RNF214: variants seen among roughly 807,000 people sequenced by gnomAD.
RNF214 encodes the protein ring finger protein 214.
A neutral mutation model predicts 75.9 loss-of-function variants in RNF214; 25 were observed. That is an observed-to-expected ratio of 0.33 (90% CI 0.24 to 0.46). The LOEUF is 0.46. Among genes scored for constraint, RNF214 ranks in the 20% least tolerant of loss-of-function variants. The probability of loss-of-function intolerance (pLI) is 1.00; values close to 1 mark genes in which losing one functional copy is unlikely to be tolerated. For missense variants in RNF214, 725 were observed against 857.5 expected (o/e 0.85, Z 1.93); for synonymous variants, 314 against 308.8 (o/e 1.02, Z -0.18).
chr11:117,282,927 C>T, intron 13 of RNF214, 77 bp downstream of exon 13: 1 of 1,172,196 alleles, frequency 8.5e-7, no homozygotes, highest in Non-Finnish European at 1.3e-6. Context: ...AGGTGGAGTG[C>T]AGGAAGAAAC....
At chr11:117,274,356 C>CTTT (rs11461326) in intron 6 of RNF214, among the ~76,000 whole-genome samples, 1,612 of 79,268 alleles carry the variant, frequency 0.02, 63 homozygotes, top group East Asian at 0.027. Flanking sequence ...CAAATGACTT[C>CTTT]TTTTTTTTTT....
chr11:117,243,349 T>C lies in RNF214; in HGVS notation c.679-1096T>C, dbSNP rs56027238. Among the ~76,000 whole-genome samples, 579 of 152,328 alleles carry C rather than the reference T, an allele frequency of 3.8e-3. 2 individuals carry two copies. The highest frequency in any genetic ancestry group is 0.017 in the Middle Eastern group (5 of 294). On this transcript the variant is annotated intron_variant, in intron 4 of 14. Transcript: ENST00000300650. ...TTAGTAGAGATGGGATTGCACTGTGTTGGCCAGGCTGGTCTCGAACTGCTG... is the reference window on the plus strand; with the variant it reads ...TTAGTAGAGATGGGATTGCACTGTGCTGGCCAGGCTGGTCTCGAACTGCTG...
chr11:117,257,473 A>G (rs186851448), intron 6 of RNF214, among the ~76,000 whole-genome samples: 10 of 152,370 alleles, frequency 6.6e-5, no homozygotes, highest in African/African-American at 2.2e-4. Context: ...CTTGTTCTCA[A>G]TTTTGAGGGT....
chr11:117,243,342 C>G (rs1408521953), intron 4 of RNF214, among the ~76,000 whole-genome samples: 1 of 152,102 alleles, frequency 6.6e-6, no homozygotes, highest in African/African-American at 2.4e-5. Context: ...GATGGGATTG[C>G]ACTGTGTTGG....
intron 6 of RNF214, among the ~76,000 whole-genome samples, chr11:117,279,317 T>C (rs1219546596): frequency 6.8e-6 from 1 of 146,286 alleles, no homozygotes; most frequent in South Asian, 2.2e-4. Context: ...CAAGTGGAGA[T>C]ACAAACTTTT....
intron 6 of RNF214, among the ~76,000 whole-genome samples, chr11:117,253,457 C>T (rs1334435889): frequency 6.6e-6 from 1 of 152,114 alleles, no homozygotes; most frequent in Non-Finnish European, 1.5e-5. Flanking sequence ...CAGCTTTTAT[C>T]CTTCAGGTTA....
At chr11:117,239,477 C>T in intron 3 of RNF214, 1 of 457,272 alleles carries the variant, frequency 2.2e-6, no homozygotes, top group Non-Finnish European at 3.9e-6. Context: ...TACAGTGTAT[C>T]CTGCCTTCTA....
In RNF214 at chr11:117,267,585, C is replaced by T. The variant is rs182455300; in HGVS notation, c.960-12323C>T. ...AAAAAAAGAAAAAAAGAAAATTAGC[C>T]GAGAGTGGTAGTGCATGCCTGTGGT... On this transcript the variant is annotated intron_variant, in intron 6 of 14. Transcript: ENST00000300650. Among the ~76,000 whole-genome samples, 533 of 151,978 alleles carry T rather than the reference C, an allele frequency of 3.5e-3. 5 individuals are homozygous for T. The highest frequency in any genetic ancestry group is 2.8e-3 in the Admixed American group (43 of 15,238).
intron 3 of RNF214, 88 bp downstream of exon 3, chr11:117,239,199 C>G: frequency 7.3e-7 from 1 of 1,374,932 alleles, no homozygotes. Flanking sequence ...TGGTGGAGAA[C>G]TTGCTGGCTT....
intron 2 of RNF214, among the ~76,000 whole-genome samples, chr11:117,235,089 GT>G: frequency 6.6e-6 from 1 of 152,232 alleles, no homozygotes; most frequent in Non-Finnish European, 1.5e-5. Context: ...TATGTAAATA[GT>G]TGTGTTGTTT....
At chr11:117,238,532 A>T in intron 2 of RNF214, 69 bp from the exon 3 acceptor site, 1 of 1,343,958 alleles carries the variant, frequency 7.4e-7, no homozygotes, top group Non-Finnish European at 1.0e-6. Flanking sequence ...TACGTAGTCT[A>T]GTTTTGTTCT....
At chr11:117,278,338 TTTC>T (rs1219598997) in intron 6 of RNF214, among the ~76,000 whole-genome samples, 2 of 152,148 alleles carry the variant, frequency 1.3e-5, no homozygotes, top group South Asian at 2.1e-4. Context: ...TTCCCAAGCT[TTTC>T]TTCTTATTTT....
intron 6 of RNF214, among the ~76,000 whole-genome samples, chr11:117,254,983 G>C (rs2033485141): frequency 6.6e-6 from 1 of 152,046 alleles, no homozygotes; most frequent in Non-Finnish European, 1.5e-5. Flanking sequence ...TCACACAACT[G>C]TGTGTCTTGG....
Position 117,239,827 on chromosome 11 carries a change from G to A in RNF214, c.645G>A (p.Glu215=), listed in dbSNP as rs1305914139. The A allele has an allele frequency of 2.6e-6, 4 of 1,565,466 alleles. No individual in the cohort carries two copies. Among genetic ancestry groups the A allele is most frequent in the Non-Finnish European group, 1.8e-6 (2 of 1,136,044 alleles). Residue 215 remains glutamate (E), a synonymous_variant, in exon 4 of 15, where the codon GAG becomes GAA. Coordinates refer to ENST00000300650, the MANE Select transcript of RNF214 (RefSeq NM_207343.4). The part of the protein sequence containing the change: ...VQTDFKTADS[E]VNTDQDIEKN... ...CTGACTTTAAGACAGCTGATTCAGA[G>A]GTAAACACAGATCAAGATATTGAAA...
At position 117,285,229 on chromosome 11, in the gene RNF214, A is replaced by G; in HGVS notation, c.*78A>G. The G allele has an allele frequency of 1.1e-6, 1 of 948,742 alleles. No homozygotes were observed. Among genetic ancestry groups the G allele is most frequent in the Non-Finnish European group, 1.7e-6 (1 of 577,874 alleles). 58.8% of individuals were successfully genotyped at this position (948,742 alleles called of 1,614,324 possible). ...GGGTTCAAGATTTCTAAAACTCTAT[A>G]TTTATACAGTGACATATACTCATGC... On this transcript the variant is annotated 3_prime_UTR_variant, in exon 15 of 15. Coordinates refer to ENST00000300650, the MANE Select transcript of RNF214 (RefSeq NM_207343.4).
At chr11:117,281,537 G>A in intron 9 of RNF214, 63 bp from the exon 10 acceptor site, 2 of 1,427,028 alleles carry the variant, frequency 1.4e-6, no homozygotes, top group South Asian at 1.2e-5. Flanking sequence ...GATAATGGAT[G>A]GTGCTGTCTT....
chr11:117,233,740 G>A (rs541157816), intron 1 of RNF214, among the ~76,000 whole-genome samples: 88 of 152,264 alleles, frequency 5.8e-4, no homozygotes, highest in African/African-American at 1.8e-3. Flanking sequence ...TGGGGAGCAC[G>A]CTGACAGTAA....
chr11:117,246,701 A>G (rs1351352312), intron 5 of RNF214, 108 bp from the exon 6 acceptor site: 17 of 1,165,042 alleles, frequency 1.5e-5, no homozygotes, highest in Non-Finnish European at 1.9e-5. Flanking sequence ...ATTTGAATTC[A>G]CTAAAGTCAA....
chr11:117,234,724 C>T (rs2032853079), intron 2 of RNF214, among the ~76,000 whole-genome samples: 1 of 152,104 alleles, frequency 6.6e-6, no homozygotes, highest in South Asian at 2.1e-4. Context: ...ACATGGATAT[C>T]TAAATATGTA....
Sources: allele counts gnomAD v4.1 joint callset (sites outside exome capture counted in the v4.1 genomes callset), GRCh38; gene constraint gnomAD v4.1.1; transcripts MANE v1.5; gene names NCBI Gene and HGNC (gene_info 2026-07-23, HGNC 2026-07-21).